MYBL1: variants seen among roughly 807,000 people sequenced by gnomAD.
The protein encoded by MYBL1 is MYB proto-oncogene like 1.
Under a neutral mutation model 96.3 loss-of-function variants are expected in MYBL1, and 17 were observed. The observed-to-expected ratio is 0.18, with a 90% CI of 0.12 to 0.26. The LOEUF (loss-of-function observed/expected upper bound fraction) is 0.26, where lower values mean the gene tolerates loss of function less well. Ranked by LOEUF, MYBL1 falls within the 10% of genes least tolerant of loss-of-function variation. The pLI, the probability that MYBL1 is intolerant of heterozygous loss-of-function variation, is 1.00. For missense variants in MYBL1, 701 were observed against 882.9 expected, an observed-to-expected ratio of 0.79 and a Z score of 2.61; for synonymous variants, 282 against 292.7, an observed-to-expected ratio of 0.96 and a Z score of 0.37.
At chr8:66,588,661 C>T (rs1418828597) in intron 8 of MYBL1, among the ~76,000 whole-genome samples, 11 of 152,048 alleles carry the variant, frequency 7.2e-5, no homozygotes, top group African/African-American at 2.7e-4. Context: ...ATAAAACATT[C>T]ACAAGAGTAG....
chr8:66,613,016 GCGACCCGACCC>G lies in MYBL1; in HGVS notation c.-189_-179del. 1 of 655,998 alleles carries G rather than the reference GCGACCCGACCC, an allele frequency of 1.5e-6. No homozygotes were observed. The highest frequency in any genetic ancestry group is 2.2e-6 in the Non-Finnish European group (1 of 455,260). The allele number at this position is 655,998 out of a possible 1,614,324, so 40.6% of individuals were successfully genotyped here. A position where few individuals can be genotyped will look rare whatever the true frequency, so the allele number is the denominator to read the frequency against. On this transcript the variant is annotated 5_prime_UTR_variant, in exon 1 of 16. Coordinates refer to ENST00000522677, the MANE Select transcript of MYBL1 (RefSeq NM_001080416.4). ...GACGGAGGGACAGCGGGGGCGGACC[GCGACCCGACCC>G]CGACCCCGGCCCGCAGCGCCGCTCT...
intron 1 of MYBL1, among the ~76,000 whole-genome samples, chr8:66,610,241 T>G (rs1435493613): frequency 6.6e-6 from 1 of 152,074 alleles, no homozygotes; most frequent in Non-Finnish European, 1.5e-5. Flanking sequence ...GTCATCGCAA[T>G]TCCCAGTGGG....
chr8:66,580,494 T>A, intron 8 of MYBL1, 128 bp from the exon 9 acceptor site: 1 of 639,572 alleles, frequency 1.6e-6, no homozygotes, highest in Non-Finnish European at 2.6e-6. Flanking sequence ...AAAATTGGTA[T>A]ACTTTTTTCA....
At chr8:66,575,324 A>T (rs1808891066) in intron 10 of MYBL1, among the ~76,000 whole-genome samples, 1 of 152,244 alleles carries the variant, frequency 6.6e-6, no homozygotes, top group Non-Finnish European at 1.5e-5. Flanking sequence ...TTTAATCTTT[A>T]TCAGGTATAT....
chr8:66,604,119 G>C (rs1810213957), intron 1 of MYBL1, among the ~76,000 whole-genome samples: 1 of 151,956 alleles, frequency 6.6e-6, no homozygotes, highest in South Asian at 2.1e-4. Context: ...AGAACATTTA[G>C]AAAAGAAAAA....
At position 66,576,322 on chromosome 8, in the gene MYBL1, A is replaced by G; in HGVS notation, c.1155T>C (p.Ala385=). 1 of 1,613,862 alleles carries G rather than the reference A, an allele frequency of 6.2e-7. No individual in the cohort carries two copies. The highest frequency in any genetic ancestry group is 8.5e-7 in the Non-Finnish European group (1 of 1,179,808). ...VTSFDISDAA[A]SPIKSTPVKL... Reference sequence around the variant, plus strand: ...TAACTGGGGTGGATTTGATAGGAGAAGCAGCAGCATCAGAAATATCAAAAC... The same window carrying G: ...TAACTGGGGTGGATTTGATAGGAGAGGCAGCAGCATCAGAAATATCAAAAC... Residue 385 remains alanine (A), a synonymous_variant, in exon 10 of 16, where the codon GCT becomes GCC. Transcript: ENST00000522677.
At position 66,576,253 on chromosome 8, in the gene MYBL1, T is replaced by C. The variant is rs929874216; in HGVS notation, c.1224A>G (p.Gln408=). ...IQHNEGAMEC[Q]FNVSLVLEGK... ...CTTCAAGTACAAGACTGACGTTAAA[T>C]TGGCATTCCATGGCTCCTTCATTGT... is the stretch of plus-strand genomic sequence containing the variant. The change falls in exon 10 of 16, where the codon CAA becomes CAG. Residue 408 remains glutamine (Q), a synonymous_variant. Coordinates refer to ENST00000522677, the MANE Select transcript of MYBL1 (RefSeq NM_001080416.4). 3.1e-6 allele frequency: 5 copies of C among 1,613,876 alleles called. No individual in the cohort carries two copies. The highest frequency in any genetic ancestry group is 2.7e-5 in the African/African-American group (2 of 74,904).
chr8:66,567,526 AGTGTGTGTGT>A (rs111352513), intron 12 of MYBL1, among the ~76,000 whole-genome samples: 17 of 146,912 alleles, frequency 1.2e-4, no homozygotes, highest in African/African-American at 4.2e-4. Flanking sequence ...AGAGAGAGTG[AGTGTGTGTGT>A]GTGTGTGTGT....
rs886941349 is a variant in MYBL1 at position 66,587,060 on chromosome 8, G to A, written c.867+5380C>T. Among the ~76,000 whole-genome samples, 19 of 152,106 alleles carry A rather than the reference G, an allele frequency of 1.2e-4. No individual in the cohort carries two copies. The East Asian group carries it at 2.5e-3, about 20-fold the overall frequency. On this transcript the variant is annotated intron_variant, in intron 8 of 15. Transcript: ENST00000522677. ...AGAAGGGGAGCCAAGGAAGGGAAGC[G>A]GAGAAGGGAGAGTAGCCAAAGGTTG... is the stretch of plus-strand genomic sequence containing the variant.
intron 8 of MYBL1, among the ~76,000 whole-genome samples, chr8:66,588,408 T>C (rs1212563925): frequency 6.6e-6 from 1 of 151,672 alleles, no homozygotes; most frequent in Non-Finnish European, 1.5e-5. Flanking sequence ...CCTTCCCAAG[T>C]AGCTGGGACT....
chr8:66,575,769 A>C (rs1808913111), intron 10 of MYBL1, among the ~76,000 whole-genome samples: 1 of 152,168 alleles, frequency 6.6e-6, no homozygotes. Context: ...CAACCTCGGC[A>C]ACAAAGTGAG....
chr8:66,585,108 C>CA (rs1450042589), intron 8 of MYBL1, among the ~76,000 whole-genome samples: 2 of 149,088 alleles, frequency 1.3e-5, no homozygotes, highest in Non-Finnish European at 3.0e-5. Context: ...AACAAACAAA[C>CA]AAAAACAAAG....
At chr8:66,602,144 G>C (rs1201569615) in intron 2 of MYBL1, among the ~76,000 whole-genome samples, 3 of 151,860 alleles carry the variant, frequency 2.0e-5, no homozygotes, top group African/African-American at 7.3e-5. Flanking sequence ...CTGCCTCCCA[G>C]GTTCAAGTGA....
chr8:66,565,409 G>A (rs937207587), intron 15 of MYBL1: 1 of 152,190 alleles, frequency 6.6e-6, no homozygotes, highest in Non-Finnish European at 1.5e-5. Flanking sequence ...ATGGCTCTTA[G>A]AAAGCAGTGG....
chr8:66,605,469 A>G (rs892328134), intron 1 of MYBL1, among the ~76,000 whole-genome samples: 1 of 152,204 alleles, frequency 6.6e-6, no homozygotes, highest in Non-Finnish European at 1.5e-5. Context: ...GGAGTAAAAA[A>G]AGAAAAAGCA....
intron 1 of MYBL1, among the ~76,000 whole-genome samples, chr8:66,603,153 T>C (rs913381801): frequency 2.0e-5 from 3 of 152,152 alleles, no homozygotes; most frequent in Non-Finnish European, 4.4e-5. Flanking sequence ...TATTCTTTAT[T>C]TGACCTTTAT....
chr8:66,579,997 C>G (rs1431485362), intron 9 of MYBL1, 136 bp downstream of exon 9: 1 of 617,940 alleles, frequency 1.6e-6, no homozygotes, highest in Non-Finnish European at 2.7e-6. Flanking sequence ...CCCCTAGAAG[C>G]CACTGCAAAA....
chr8:66,608,015 A>T (rs1335722986), intron 1 of MYBL1, among the ~76,000 whole-genome samples: 1 of 152,194 alleles, frequency 6.6e-6, no homozygotes, highest in Admixed American at 6.5e-5. Context: ...GAATTTGCCC[A>T]TATAAATCTT....
chr8:66,579,247 A>G (rs1809100638), intron 9 of MYBL1, among the ~76,000 whole-genome samples: 1 of 149,114 alleles, frequency 6.7e-6, no homozygotes, highest in African/African-American at 2.4e-5. Flanking sequence ...AAAAAAATTA[A>G]AAAAAAATTT....
Sources: gnomAD v4.1 joint callset for allele counts (sites outside exome capture counted in the v4.1 genomes callset) on GRCh38, gnomAD v4.1.1 for gene constraint, MANE v1.5 for transcripts, NCBI Gene and HGNC (gene_info 2026-07-23, HGNC 2026-07-21) for gene names.